The following NRG3 variants were observed in gnomAD, a reference collection of about 807,000 sequenced individuals.
NRG3 encodes the protein neuregulin 3.
Under a neutral mutation model 66.9 loss-of-function variants are expected in NRG3, and 31 were observed. The ratio of observed to expected loss-of-function variants is 0.46; its 90% CI spans 0.35 to 0.63. The LOEUF is 0.63. NRG3 is among the 20% of genes least tolerant of loss of function. NRG3 has a pLI of 0.00. For synonymous variants in NRG3, 393 were observed against 359.4 expected, an observed-to-expected ratio of 1.09 and a Z score of -1.06; for missense variants, 910 against 878.9, an observed-to-expected ratio of 1.04 and a Z score of -0.45.
At chr10:82,851,062 G>T (rs2063539003) in intron 3 of NRG3, among the ~76,000 whole-genome samples, 1 of 152,126 alleles carries the variant, frequency 6.6e-6, no homozygotes, top group East Asian at 1.9e-4. Flanking sequence ...ATTGCTGTAG[G>T]TTTTCAGTGA....
At chr10:82,704,654 A>G (rs1002963818) in intron 2 of NRG3, among the ~76,000 whole-genome samples, 2 of 152,144 alleles carry the variant, frequency 1.3e-5, no homozygotes, top group African/African-American at 4.8e-5. Flanking sequence ...TTCACTGCCA[A>G]TGTTTCATAT....
chr10:82,056,003 C>T (rs34331548), intron 1 of NRG3, among the ~76,000 whole-genome samples: 36,647 of 151,996 alleles, frequency 0.24, 4,549 homozygotes, highest in Middle Eastern at 0.33. Context: ...GAATGGAAAA[C>T]GGAAATCTTC....
intron 1 of NRG3, among the ~76,000 whole-genome samples, chr10:82,282,192 C>T (rs547566667): frequency 6.6e-6 from 1 of 152,284 alleles, no homozygotes; most frequent in African/African-American, 2.4e-5. Context: ...GAAGTGGACA[C>T]ATACGAGGCA....
At position 82,941,995 on chromosome 10, in the gene NRG3, TTGTGTGTGTGTG is replaced by T. The variant is rs3075660; in HGVS notation, c.1055-9455_1055-9444del. Among the ~76,000 whole-genome samples, 5 of 148,462 alleles carry T rather than the reference TTGTGTGTGTGTG, an allele frequency of 3.4e-5. No homozygotes were observed. The East Asian group carries it at 6.0e-4, about 18-fold the overall frequency. On this transcript the variant is annotated intron_variant, in intron 4 of 8. Transcript: ENST00000372141. ...TTGCTTACTTATATGACATATAGGTTTGTGTGTGTGTGTGTGTGTGTGTGTGTGTGCTTCAAC... is the reference window on the plus strand; with the variant it reads ...TTGCTTACTTATATGACATATAGGTTTGTGTGTGTGTGTGTGTGCTTCAAC...
At chr10:82,361,955 T>C (rs1323540718) in intron 2 of NRG3, among the ~76,000 whole-genome samples, 1 of 151,748 alleles carries the variant, frequency 6.6e-6, no homozygotes, top group Non-Finnish European at 1.5e-5. Flanking sequence ...TATAATAAAC[T>C]GCATCAAATA....
At chr10:82,889,415 G>A (rs1591838788) in intron 4 of NRG3, among the ~76,000 whole-genome samples, 2 of 152,148 alleles carry the variant, frequency 1.3e-5, no homozygotes, top group Non-Finnish European at 2.9e-5. Flanking sequence ...GAGGTTTGGA[G>A]AGGGAAAGTT....
chr10:82,197,933 C>T (rs181084721), intron 1 of NRG3, among the ~76,000 whole-genome samples: 13 of 151,888 alleles, frequency 8.6e-5, no homozygotes, highest in Non-Finnish European at 1.6e-4. Context: ...AAATGGCTGT[C>T]GACATCTTAT....
At chr10:82,474,880 A>C (rs1841620982) in intron 2 of NRG3, among the ~76,000 whole-genome samples, 1 of 152,142 alleles carries the variant, frequency 6.6e-6, no homozygotes, top group South Asian at 2.1e-4. Flanking sequence ...GCAGCAAGAG[A>C]AAAGCCAGGT....
chr10:82,522,692 G>A (rs561134508), intron 2 of NRG3, among the ~76,000 whole-genome samples: 2 of 149,748 alleles, frequency 1.3e-5, no homozygotes, highest in South Asian at 4.2e-4. Flanking sequence ...AAAGAGGTAT[G>A]CCTGTTTACT....
intron 1 of NRG3, among the ~76,000 whole-genome samples, chr10:82,111,418 T>A (rs1375731550): frequency 6.6e-6 from 1 of 152,218 alleles, no homozygotes; most frequent in Non-Finnish European, 1.5e-5. Flanking sequence ...TTGAGTTTGA[T>A]ACAAACACGA....
At chr10:82,386,466 T>A (rs2085995734) in intron 2 of NRG3, among the ~76,000 whole-genome samples, 1 of 152,356 alleles carries the variant, frequency 6.6e-6, no homozygotes, top group South Asian at 2.1e-4. Flanking sequence ...GGTCTCATTG[T>A]CATCATAAAT....
intron 3 of NRG3, among the ~76,000 whole-genome samples, chr10:82,783,676 A>G (rs938507309): frequency 2.0e-5 from 3 of 152,146 alleles, no homozygotes; most frequent in African/African-American, 7.2e-5. Context: ...CTTCAAGGAG[A>G]ACTACAAACC....
intron 1 of NRG3, among the ~76,000 whole-genome samples, chr10:82,279,394 T>A (rs1244120634): frequency 6.6e-6 from 1 of 152,098 alleles, no homozygotes; most frequent in East Asian, 1.9e-4. Flanking sequence ...AAAGAAACCA[T>A]AAAAAGCCCA....
intron 1 of NRG3, among the ~76,000 whole-genome samples, chr10:82,271,913 G>A (rs924243808): frequency 6.6e-6 from 1 of 151,768 alleles, no homozygotes; most frequent in Non-Finnish European, 1.5e-5. Flanking sequence ...TAATTTATTC[G>A]TTCAACAAAT....
At chr10:82,375,555 C>T (rs2085173609) in intron 2 of NRG3, among the ~76,000 whole-genome samples, 1 of 147,278 alleles carries the variant, frequency 6.8e-6, no homozygotes, top group Admixed American at 6.7e-5. Context: ...AAAAAAATTA[C>T]TGATATTTTT....
intron 2 of NRG3, among the ~76,000 whole-genome samples, chr10:82,529,758 A>T (rs886368383): frequency 1.3e-5 from 2 of 152,196 alleles, no homozygotes; most frequent in African/African-American, 4.8e-5. Flanking sequence ...TACTTAAAAA[A>T]ATCACTTGTT....
chr10:82,102,577 A>T (rs187838891), intron 1 of NRG3, among the ~76,000 whole-genome samples: 12 of 151,350 alleles, frequency 7.9e-5, no homozygotes, highest in Non-Finnish European at 1.2e-4. Context: ...GAATATTTTT[A>T]TCATGATATT....
intron 1 of NRG3, among the ~76,000 whole-genome samples, chr10:81,958,913 C>T (rs1564690666): frequency 6.6e-6 from 1 of 151,772 alleles, no homozygotes; most frequent in Non-Finnish European, 1.5e-5. Flanking sequence ...ATAACAAAAC[C>T]AAAACCAGAT....
chr10:82,262,850 A>G (rs533272464), intron 1 of NRG3, among the ~76,000 whole-genome samples: 1 of 152,304 alleles, frequency 6.6e-6, no homozygotes, highest in African/African-American at 2.4e-5. Context: ...AGAGGCTCAG[A>G]GAGTTAAAAA....
Sources: allele counts gnomAD v4.1 joint callset (sites outside exome capture counted in the v4.1 genomes callset), GRCh38; gene constraint gnomAD v4.1.1; transcripts MANE v1.5; gene names NCBI Gene and HGNC (gene_info 2026-07-23, HGNC 2026-07-21).